The following ASNS variants were observed in gnomAD, a reference collection of about 807,000 sequenced individuals.
ASNS encodes the protein asparagine synthetase [glutamine-hydrolyzing].
ASNS carries 37 observed loss-of-function variants against 62.6 expected under a neutral mutation model. That is an observed-to-expected ratio of 0.59 (90% CI 0.45 to 0.78). The LOEUF is 0.78. Among genes scored for constraint, ASNS ranks in the 30% least tolerant of loss-of-function variants. ASNS has a pLI of 0.00. For missense variants in ASNS, 520 were observed against 682.4 expected, an observed-to-expected ratio of 0.76 and a Z score of 2.65; for synonymous variants, 207 against 237.9, an observed-to-expected ratio of 0.87 and a Z score of 1.19.
chr7:97,872,272 T>G (rs1375235635), intron 1 of ASNS, 79 bp downstream of exon 1: 1 of 149,138 alleles, frequency 6.7e-6, no homozygotes, highest in Non-Finnish European at 1.5e-5. Flanking sequence ...CTCCACCCCT[T>G]CCTTCCGGAG....
chr7:97,890,965 A>G, the ASNS span, among the ~76,000 whole-genome samples: 1 of 152,218 alleles, frequency 6.6e-6, no homozygotes, highest in African/African-American at 2.4e-5. Flanking sequence ...AAACATCACC[A>G]CTAAAGAAAC....
rs1169858029 is a variant in ASNS, at chr7:97,858,267, C to T, written c.903+11G>A. ...AACTACACTACACAAGGGACAGAGA[C>T]AGCACCTTACCTTTCTAGCAGCCAG... is the stretch of plus-strand genomic sequence containing the variant. On this transcript the variant is annotated intron_variant, in intron 7 of 12. Coordinates refer to ENST00000394308, the MANE Select transcript of ASNS (RefSeq NM_001673.5). The T allele has an allele frequency of 2.5e-6, 4 of 1,612,098 alleles. No individual in the cohort carries two copies. In the South Asian group the frequency reaches 3.3e-5, roughly 13 times the overall value.
At chr7:97,918,453 G>T in the ASNS span, among the ~76,000 whole-genome samples, 2 of 152,202 alleles carry the variant, frequency 1.3e-5, no homozygotes, top group Non-Finnish European at 2.9e-5. Flanking sequence ...TGCAGGGCTG[G>T]TTAAACGAAG....
At chr7:97,877,199 A>AT (rs1336590725), upstream of ASNS, among the ~76,000 whole-genome samples, 1 of 150,050 alleles carries the variant, frequency 6.7e-6, no homozygotes, top group Non-Finnish European at 1.5e-5. Flanking sequence ...GGTTCAAGTG[A>AT]TTCCCCTGCC....
chr7:97,884,994 G>A, the ASNS span, among the ~76,000 whole-genome samples: 2 of 152,164 alleles, frequency 1.3e-5, no homozygotes, highest in East Asian at 1.9e-4. Flanking sequence ...CGCCTCCCGG[G>A]TTCAAGCAAT....
At chr7:97,922,750 C>A in the ASNS span, among the ~76,000 whole-genome samples, 4 of 152,230 alleles carry the variant, frequency 2.6e-5, no homozygotes, top group Non-Finnish European at 4.4e-5. Context: ...ATTCTTTTTA[C>A]AAAATAATTA....
chr7:97,917,834 C>T, the ASNS span, among the ~76,000 whole-genome samples: 5 of 152,234 alleles, frequency 3.3e-5, no homozygotes, highest in Non-Finnish European at 5.9e-5. Context: ...CCCTGCCCTA[C>T]ACGTGCTGAC....
the ASNS span, among the ~76,000 whole-genome samples, chr7:97,888,592 A>G: frequency 6.6e-6 from 1 of 152,200 alleles, no homozygotes; most frequent in African/African-American, 2.4e-5. Context: ...CTTTATGGAA[A>G]AAGTTTGCCA....
chr7:97,892,601 C>A, the ASNS span, among the ~76,000 whole-genome samples: 1 of 151,942 alleles, frequency 6.6e-6, no homozygotes, highest in Non-Finnish European at 1.5e-5. Flanking sequence ...CTATCAGATA[C>A]CCTAAATCTC....
chr7:97,874,881 A>G (rs954395542), upstream of ASNS, among the ~76,000 whole-genome samples: 2 of 152,264 alleles, frequency 1.3e-5, no homozygotes, highest in Non-Finnish European at 2.9e-5. Context: ...CAATCACTAA[A>G]TGAAGTCAAT....
chr7:97,907,829 T>C, the ASNS span, among the ~76,000 whole-genome samples: 1 of 148,266 alleles, frequency 6.7e-6, no homozygotes, highest in African/African-American at 2.5e-5. Flanking sequence ...CTAAGGGAAA[T>C]AGAGTATAAT....
At chr7:97,922,860 C>T in the ASNS span, among the ~76,000 whole-genome samples, 2 of 151,802 alleles carry the variant, frequency 1.3e-5, no homozygotes, top group African/African-American at 2.4e-5. Context: ...GGTGTGATCT[C>T]GGCTGACTGC....
chr7:97,880,231 T>C, the ASNS span, among the ~76,000 whole-genome samples: 1 of 151,848 alleles, frequency 6.6e-6, no homozygotes, highest in East Asian at 1.9e-4. Context: ...CTCAAGGGAT[T>C]CTCCAGCCTC....
the ASNS span, among the ~76,000 whole-genome samples, chr7:97,910,458 T>C: frequency 6.6e-6 from 1 of 152,188 alleles, no homozygotes; most frequent in Non-Finnish European, 1.5e-5. Context: ...TTCATGACGA[T>C]GGGCTTTATT....
At chr7:97,919,133 C>T in the ASNS span, among the ~76,000 whole-genome samples, 1 of 152,012 alleles carries the variant, frequency 6.6e-6, no homozygotes, top group Non-Finnish European at 1.5e-5. Context: ...GACACAATCT[C>T]GGCTCACTGC....
chr7:97,921,977 A>C, the ASNS span, among the ~76,000 whole-genome samples: 1 of 152,244 alleles, frequency 6.6e-6, no homozygotes, highest in Admixed American at 6.5e-5. Context: ...ATTTGAGACA[A>C]CATGGATGAG....
chr7:97,887,232 T>C, the ASNS span, among the ~76,000 whole-genome samples: 1 of 152,204 alleles, frequency 6.6e-6, no homozygotes, highest in Non-Finnish European at 1.5e-5. Flanking sequence ...CACAATTACA[T>C]GCAGACCTGC....
At chr7:97,887,921 G>A in the ASNS span, among the ~76,000 whole-genome samples, 3 of 152,180 alleles carry the variant, frequency 2.0e-5, no homozygotes, top group Non-Finnish European at 2.9e-5. Context: ...GACACTACCA[G>A]TAACCTATCC....
chr7:97,864,817 TTA>T (rs1236171665), intron 3 of ASNS, among the ~76,000 whole-genome samples: 1 of 152,186 alleles, frequency 6.6e-6, no homozygotes, highest in African/African-American at 2.4e-5. Context: ...ATACATATAT[TTA>T]TATATATACA....
Sources: allele counts gnomAD v4.1 joint callset (sites outside exome capture counted in the v4.1 genomes callset), GRCh38; gene constraint gnomAD v4.1.1; transcripts MANE v1.5; gene names NCBI Gene and HGNC (gene_info 2026-07-23, HGNC 2026-07-21).